Variants in EDA observed in about 807,000 individuals in gnomAD.
EDA encodes ectodysplasin A.
Under a neutral mutation model 23.6 loss-of-function variants are expected in EDA, and 2 were observed. That is an observed-to-expected ratio of 0.08 (90% CI 0.03 to 0.27). EDA has a LOEUF of 0.27. Ranked by LOEUF, EDA falls within the 10% of genes least tolerant of loss-of-function variation. The pLI is 1.00. For synonymous variants in EDA, 131 were observed against 132.0 expected, an observed-to-expected ratio of 0.99 and a Z score of 0.05; for missense variants, 229 against 324.2, an observed-to-expected ratio of 0.71 and a Z score of 2.26.
At chrX:70,022,531 T>C (rs1049839494) in intron 2 of EDA, among the ~76,000 whole-genome samples, 7 of 108,925 alleles carry the variant, frequency 6.4e-5, no homozygotes, top group Admixed American at 2.0e-4. Context: ...AGAGACGAGG[T>C]TTCACTGTGT....
At chrX:69,952,905 A>G (rs970074774) in intron 1 of EDA, among the ~76,000 whole-genome samples, 1 of 112,443 alleles carries the variant, frequency 8.9e-6, no homozygotes, top group African/African-American at 3.2e-5. Flanking sequence ...GAGCACAACA[A>G]GTATGAGGGA....
chrX:69,745,851 G>T (rs1412684022), intron 1 of EDA, among the ~76,000 whole-genome samples: 1 of 110,979 alleles, frequency 9.0e-6, no homozygotes, highest in Non-Finnish European at 1.9e-5. Flanking sequence ...AGCCAGGTGT[G>T]GTAGTGGGCA....
chrX:70,024,072 T>C (rs762658542), intron 3 of EDA, among the ~76,000 whole-genome samples: 1 of 112,719 alleles, frequency 8.9e-6, no homozygotes, highest in Non-Finnish European at 1.9e-5. Flanking sequence ...GAACCAATTA[T>C]GAAACTAGTT....
At chrX:69,936,121 T>C (rs997133939) in intron 1 of EDA, among the ~76,000 whole-genome samples, 1 of 109,364 alleles carries the variant, frequency 9.1e-6, no homozygotes, top group Non-Finnish European at 1.9e-5. Context: ...TGACTTCTAA[T>C]TTAATTTGGT....
intron 1 of EDA, among the ~76,000 whole-genome samples, chrX:69,643,921 T>G (rs1350502639): frequency 1.8e-5 from 2 of 110,944 alleles, no homozygotes; most frequent in Non-Finnish European, 3.8e-5. Flanking sequence ...TGGTTGTAGG[T>G]GTGCAGTCTT....
At chrX:69,890,327 A>G (rs1699081961) in intron 1 of EDA, among the ~76,000 whole-genome samples, 1 of 110,937 alleles carries the variant, frequency 9.0e-6, no homozygotes, top group African/African-American at 3.3e-5. Flanking sequence ...ATTCAATGCC[A>G]TTCACATTAA....
At chrX:69,858,810 C>A (rs2017315465) in intron 1 of EDA, among the ~76,000 whole-genome samples, 1 of 111,444 alleles carries the variant, frequency 9.0e-6, no homozygotes, top group African/African-American at 3.3e-5. Flanking sequence ...GGCATGAAAC[C>A]AACTCTTCTT....
chrX:69,789,048 T>G (rs113396537), intron 1 of EDA, among the ~76,000 whole-genome samples: 1,963 of 112,218 alleles, frequency 0.017, 48 homozygotes, highest in African/African-American at 0.061. Flanking sequence ...GGGAGTGACC[T>G]GATTTTCCAG....
chrX:69,768,842 A>G (rs145418669), intron 1 of EDA, among the ~76,000 whole-genome samples: 4 of 111,862 alleles, frequency 3.6e-5, no homozygotes, highest in African/African-American at 1.3e-4. Context: ...ATTTAGTGCT[A>G]TAAATTCCCC....
chrX:69,832,550 G>A (rs915254725), intron 1 of EDA, among the ~76,000 whole-genome samples: 16 of 111,801 alleles, frequency 1.4e-4, no homozygotes, highest in African/African-American at 5.2e-4. Flanking sequence ...GAAATTTAAA[G>A]TAGTTTTTTT....
intron 1 of EDA, among the ~76,000 whole-genome samples, chrX:69,705,789 A>G (rs1319917606): frequency 8.9e-6 from 1 of 111,940 alleles, no homozygotes; most frequent in Non-Finnish European, 1.9e-5. Flanking sequence ...GAACCATCTA[A>G]AAATTTTCTA....
At chrX:69,916,685 G>A (rs773019268) in intron 1 of EDA, among the ~76,000 whole-genome samples, 11 of 109,494 alleles carry the variant, frequency 1.0e-4, no homozygotes, top group East Asian at 2.9e-4. Context: ...GATTACAGGC[G>A]TGAGCCACCA....
chrX:70,037,809 T>C lies in EDA; in HGVS notation c.*2200T>C, dbSNP rs899837178. 1 of 112,022 alleles carries C rather than the reference T, an allele frequency of 8.9e-6. No homozygotes were observed. The highest frequency in any genetic ancestry group is 3.2e-5 in the African/African-American group (1 of 30,795). The allele number at this position is 112,022 out of a possible 1,213,427, so 9.2% of individuals were successfully genotyped here. A position where few individuals can be genotyped will look rare whatever the true frequency, so the allele number is the denominator to read the frequency against. On this transcript the variant is annotated 3_prime_UTR_variant, in exon 8 of 8. Transcript: ENST00000374552. ...GTGGCAAAAAGAGTCAGACATTTCT[T>C]TGGAAAACAGCGAACAGCCTTAGAG...
chrX:69,630,104 A>G (rs1286173231), intron 1 of EDA, among the ~76,000 whole-genome samples: 1 of 111,580 alleles, frequency 9.0e-6, no homozygotes, highest in Non-Finnish European at 1.9e-5. Context: ...CCGGTGTTCC[A>G]AATAATAAAG....
chrX:69,821,259 T>A (rs1602443441), intron 1 of EDA, among the ~76,000 whole-genome samples: 1 of 89,087 alleles, frequency 1.1e-5, no homozygotes, highest in African/African-American at 4.2e-5. Context: ...ATGAGGGGGG[T>A]GGGAGAGCAT....
chrX:69,783,808 G>A (rs892076530), intron 1 of EDA, among the ~76,000 whole-genome samples: 2 of 107,883 alleles, frequency 1.9e-5, no homozygotes, highest in African/African-American at 6.7e-5. Flanking sequence ...TATATACCCA[G>A]TAATGGGATG....
At position 69,973,213 on chromosome X, in the gene EDA, G is replaced by C. The variant is rs570486172; in HGVS notation, c.502+16081G>C. 3.6e-5 allele frequency among the ~76,000 whole-genome samples: 4 copies of C among 111,360 alleles called. 1 individual carries two copies. The highest frequency in any genetic ancestry group is 1.3e-4 in the African/African-American group (4 of 30,720). On this transcript the variant is annotated intron_variant, in intron 2 of 7. Coordinates refer to ENST00000374552, the MANE Select transcript of EDA (RefSeq NM_001399.5). Reference sequence around the variant, plus strand: ...TACCTCCAGTGTATACCCACACATAGCCCAGTGCTGAAAGACAGCTTAGGG... The same window carrying C: ...TACCTCCAGTGTATACCCACACATACCCCAGTGCTGAAAGACAGCTTAGGG...
At chrX:69,679,071 T>G (rs1055735118) in intron 1 of EDA, among the ~76,000 whole-genome samples, 5 of 105,541 alleles carry the variant, frequency 4.7e-5, no homozygotes, top group African/African-American at 1.4e-4. Context: ...CTGCATCTAT[T>G]GAAATAATCA....
At chrX:69,824,225 T>A (rs1254541221) in intron 1 of EDA, among the ~76,000 whole-genome samples, 1 of 108,792 alleles carries the variant, frequency 9.2e-6, no homozygotes, top group African/African-American at 3.3e-5. Flanking sequence ...TTTTTTCCAA[T>A]TCTGTGAAGA....
Sources: gnomAD v4.1 joint callset for allele counts (sites outside exome capture counted in the v4.1 genomes callset) on GRCh38, gnomAD v4.1.1 for gene constraint, MANE v1.5 for transcripts, NCBI Gene and HGNC (gene_info 2026-07-23, HGNC 2026-07-21) for gene names.